CSF2RA: variants seen among roughly 807,000 people sequenced by gnomAD.
The protein encoded by CSF2RA is colony stimulating factor 2 receptor subunit alpha.
Under a neutral mutation model 51.6 loss-of-function variants are expected in CSF2RA, and 42 were observed. The ratio of observed to expected loss-of-function variants is 0.81; its 90% confidence interval spans 0.64 to 1.05. CSF2RA has a LOEUF of 1.05. Ranked by LOEUF, CSF2RA falls within the 50% of genes least tolerant of loss-of-function variation. CSF2RA has a pLI of 0.00. For synonymous variants in CSF2RA, 222 were observed against 193.0 expected (o/e 1.15, Z -1.24); for missense variants, 530 against 501.1 (o/e 1.06, Z -0.55).
chrX:1,283,731 C>A (rs2090324833), intron 3 of CSF2RA, among the ~76,000 whole-genome samples: 1 of 151,808 alleles, frequency 6.6e-6, no homozygotes, highest in Non-Finnish European at 1.5e-5. Context: ...CCAGGCCCAG[C>A]TAATTTTTTT....
downstream of CSF2RA, among the ~76,000 whole-genome samples, chrX:1,314,289 T>TGC (rs2084337046): frequency 1.0e-4 from 4 of 39,192 alleles, no homozygotes; most frequent in African/African-American, 4.6e-4. Context: ...CCCCACTGCA[T>TGC]CTGCCCAACC....
chrX:1,314,515 C>A (rs764221668), downstream of CSF2RA, among the ~76,000 whole-genome samples: 10 of 110,622 alleles, frequency 9.0e-5, no homozygotes, highest in East Asian at 3.4e-4. Context: ...AACCGCACTG[C>A]ACCTGCCCAA....
rs2090477335 is a variant in CSF2RA at position 1,285,033 on chromosome X, G to T, written c.77-745G>T. ...AGGAGCAAGCTGGGACCACAGATGT[G>T]CACCATCACACCTGCCTAATTTAAA... On this transcript the variant is annotated intron_variant, in intron 3 of 12. Coordinates refer to ENST00000381529, the MANE Select transcript of CSF2RA (RefSeq NM_172245.4). Among the ~76,000 whole-genome samples, 6 of 151,552 alleles carry T rather than the reference G, an allele frequency of 4.0e-5. No individual in the cohort carries two copies. In the South Asian group the frequency reaches 1.3e-3, roughly 32 times the overall value.
chrX:1,287,751 TG>T lies in CSF2RA; in HGVS notation c.220-762del, dbSNP rs1290529121. ...GAGCCACTATGTCCGACCCTTTTTT[TG>T]GGGGGATGGAGTCTCTGTCTGTCAC... On this transcript the variant is annotated intron_variant, in intron 4 of 12. Coordinates refer to ENST00000381529, the MANE Select transcript of CSF2RA (RefSeq NM_172245.4). Among the ~76,000 whole-genome samples the T allele has an allele frequency of 7.8e-5, 10 of 128,844 alleles. 2 individuals are homozygous for T. The highest frequency in any genetic ancestry group is 1.5e-4 in the Non-Finnish European group (9 of 60,862). The allele number at this position is 128,844 out of a possible 152,430, so 84.5% of individuals were successfully genotyped here.
downstream of CSF2RA, among the ~76,000 whole-genome samples, chrX:1,314,209 T>G (rs1441391435): frequency 9.9e-6 from 1 of 100,560 alleles, no homozygotes; most frequent in Non-Finnish European, 2.3e-5. Context: ...AGAACCGCAC[T>G]GCACCTGCCC....
intron 7 of CSF2RA, among the ~76,000 whole-genome samples, chrX:1,291,597 C>G (rs1406546222): frequency 6.6e-6 from 1 of 152,054 alleles, no homozygotes. Context: ...CGTTCCCAGC[C>G]TCTTCAGGCT....
rs1569509684 is a variant in CSF2RA, at chrX:1,301,350, A to AAAAAG, written c.946+729_946+733dup. ...CTGTCTCAAAAAAAAAAAAAAAAAA[A>AAAAAG]AAAAGAAAAAGTAGAAGGAGGTGGT... On this transcript the variant is annotated intron_variant, in intron 10 of 12. Coordinates refer to ENST00000381529, the MANE Select transcript of CSF2RA (RefSeq NM_172245.4). 4.5e-4 allele frequency among the ~76,000 whole-genome samples: 66 copies of AAAAAG among 146,900 alleles called. 1 individual carries two copies. Among genetic ancestry groups the AAAAAG allele is most frequent in the African/African-American group, 1.5e-3 (56 of 38,328 alleles).
At chrX:1,290,985 A>C (rs768099559) in intron 7 of CSF2RA, among the ~76,000 whole-genome samples, 8 of 152,006 alleles carry the variant, frequency 5.3e-5, no homozygotes, top group Non-Finnish European at 1.2e-4. Flanking sequence ...GCAGTGGTGC[A>C]ATCTCAGCTC....
At chrX:1,314,288 A>G (rs1246812883), downstream of CSF2RA, among the ~76,000 whole-genome samples, 13 of 62,712 alleles carry the variant, frequency 2.1e-4, 2 homozygotes, top group Non-Finnish European at 3.0e-4. Context: ...ACCCCACTGC[A>G]TCTGCCCAAC....
chrX:1,305,707 C>T (rs1480190798), intron 12 of CSF2RA, 180 bp downstream of exon 12: 3 of 1,556,988 alleles, frequency 1.9e-6, no homozygotes, highest in East Asian at 4.8e-5. Flanking sequence ...GGGTCTTCTC[C>T]AAGGTTGGGG....
At chrX:1,314,782 A>G (rs867365313), downstream of CSF2RA, among the ~76,000 whole-genome samples, 2 of 49,216 alleles carry the variant, frequency 4.1e-5, no homozygotes, top group East Asian at 6.4e-4. Context: ...ATCCCACTGC[A>G]CCTGCCCAAT....
chrX:1,315,029 A>ACCTGCCCAAC (rs2084514504), downstream of CSF2RA, among the ~76,000 whole-genome samples: 1 of 151,504 alleles, frequency 6.6e-6, no homozygotes, highest in African/African-American at 2.4e-5. Context: ...ACCACACTGC[A>ACCTGCCCAAC]CCAAAGGAAG....
downstream of CSF2RA, among the ~76,000 whole-genome samples, chrX:1,311,561 G>A (rs2084186739): frequency 6.6e-6 from 1 of 151,956 alleles, no homozygotes; most frequent in East Asian, 2.0e-4. Flanking sequence ...AGCCTCCCAA[G>A]TGGCTGGGAG....
the CSF2RA span, among the ~76,000 whole-genome samples, chrX:1,318,475 T>G: frequency 1.3e-5 from 2 of 151,574 alleles, no homozygotes; most frequent in African/African-American, 4.8e-5. Flanking sequence ...AGCTGAACTT[T>G]TGTCTCCACT....
At chrX:1,300,059 T>C (rs1176419676) in intron 9 of CSF2RA, among the ~76,000 whole-genome samples, 3 of 144,594 alleles carry the variant, frequency 2.1e-5, no homozygotes, top group Non-Finnish European at 4.6e-5. Flanking sequence ...CCACTAAAAA[T>C]ACAACAAAAA....
intron 8 of CSF2RA, 49 bp from the exon 9 acceptor site, chrX:1,295,378 T>A (rs750427267): frequency 6.2e-7 from 1 of 1,612,664 alleles, no homozygotes; most frequent in South Asian, 1.1e-5. Context: ...CTACAGTGTT[T>A]TAGAAATGGA....
intron 9 of CSF2RA, chrX:1,300,226 A>G (rs1394625666): frequency 2.9e-6 from 1 of 348,178 alleles, no homozygotes; most frequent in African/African-American, 2.9e-5. Flanking sequence ...CTCAAAAAAT[A>G]AATAAATAAA....
chrX:1,298,614 ACGACCCC>A lies in CSF2RA; in HGVS notation c.811-1876_811-1870del, dbSNP rs2092149029. Reference sequence around the variant, plus strand: ...GGTGGAACCCTACAGTCCCCTACTCACGACCCCTACACTCTCCTACCCATGACCCCTG... The same window carrying A: ...GGTGGAACCCTACAGTCCCCTACTCATACACTCTCCTACCCATGACCCCTG... On this transcript the variant is annotated intron_variant, in intron 9 of 12. Coordinates refer to ENST00000381529, the MANE Select transcript of CSF2RA (RefSeq NM_172245.4). 1.2e-4 allele frequency among the ~76,000 whole-genome samples: 2 copies of A among 16,314 alleles called. 1 individual carries two copies. The highest frequency in any genetic ancestry group is 2.9e-4 in the African/African-American group (2 of 6,968). The allele number at this position is 16,314 out of a possible 152,430, so 10.7% of individuals were successfully genotyped here. A position where few individuals can be genotyped will look rare whatever the true frequency, so the allele number is the denominator to read the frequency against.
chrX:1,292,923 C>A (rs1166802144), intron 7 of CSF2RA, among the ~76,000 whole-genome samples: 2 of 152,102 alleles, frequency 1.3e-5, no homozygotes, highest in Admixed American at 6.5e-5. Flanking sequence ...GTGGGGGGAA[C>A]CCTCAGACAA....
Sources: allele counts gnomAD v4.1 joint callset (sites outside exome capture counted in the v4.1 genomes callset), GRCh38; gene constraint gnomAD v4.1.1; transcripts MANE v1.5; gene names NCBI Gene and HGNC (gene_info 2026-07-23, HGNC 2026-07-21).